ZNF521: variants seen among roughly 807,000 people sequenced by gnomAD.
ZNF521 encodes zinc finger protein 521.
In ZNF521, 14 loss-of-function variants were observed where a neutral mutation model predicts 105.5. The observed-to-expected ratio is 0.13, with a 90% CI of 0.09 to 0.21. ZNF521 has a LOEUF of 0.21. Ranked by LOEUF, ZNF521 falls within the 10% of genes least tolerant of loss-of-function variation. ZNF521 has a pLI of 1.00. For missense variants in ZNF521, 1,233 were observed against 1,629.7 expected (o/e 0.76, Z 4.19); for synonymous variants, 635 against 606.0 (o/e 1.05, Z -0.70).
At chr18:25,305,882 C>T (rs1911946231) in intron 3 of ZNF521, among the ~76,000 whole-genome samples, 1 of 152,200 alleles carries the variant, frequency 6.6e-6, no homozygotes, top group Non-Finnish European at 1.5e-5. Context: ...TTATCACATC[C>T]CTTCACTGTG....
intron 3 of ZNF521, among the ~76,000 whole-genome samples, chr18:25,286,624 T>C (rs1232906756): frequency 6.6e-6 from 1 of 152,252 alleles, no homozygotes; most frequent in Admixed American, 6.5e-5. Flanking sequence ...TCATAGACTA[T>C]ATATCTCTCA....
At chr18:25,272,547 T>A (rs925685171) in intron 3 of ZNF521, among the ~76,000 whole-genome samples, 1 of 151,908 alleles carries the variant, frequency 6.6e-6, no homozygotes, top group Admixed American at 6.6e-5. Context: ...ATGAAGAAAA[T>A]ATGGCATATA....
chr18:25,205,003 C>T (rs544353721), intron 4 of ZNF521, among the ~76,000 whole-genome samples: 2 of 151,972 alleles, frequency 1.3e-5, no homozygotes, highest in East Asian at 1.9e-4. Context: ...ATTCTAAATC[C>T]ATCACCTTCA....
intron 3 of ZNF521, among the ~76,000 whole-genome samples, chr18:25,308,424 C>T (rs1165754543): frequency 2.0e-5 from 3 of 152,120 alleles, no homozygotes; most frequent in East Asian, 3.9e-4. Context: ...CAATGAATAA[C>T]TAATACATTC....
rs147871559 is a variant in ZNF521 at position 25,119,834 on chromosome 18, G to T, written c.3659-27753C>A. 4.6e-5 allele frequency among the ~76,000 whole-genome samples: 7 copies of T among 151,962 alleles called. No homozygotes were observed. In the East Asian group the frequency reaches 1.4e-3, roughly 29 times the overall value. ...AAAAGAAACAATAAAGATAAAAATA[G>T]AAATCAATGAAATACAAAATAAACC... On this transcript the variant is annotated intron_variant, in intron 5 of 7. Coordinates refer to ENST00000361524, the MANE Select transcript of ZNF521 (RefSeq NM_015461.3).
intron 5 of ZNF521, among the ~76,000 whole-genome samples, chr18:25,150,270 G>C (rs113899888): frequency 0.25 from 38,108 of 151,878 alleles, 5,849 homozygotes; most frequent in East Asian, 0.35. Flanking sequence ...TGGACTTTGG[G>C]GACTCAGGGG....
At chr18:25,320,333 C>T (rs371001201) in intron 3 of ZNF521, among the ~76,000 whole-genome samples, 21 of 152,036 alleles carry the variant, frequency 1.4e-4, no homozygotes, top group African/African-American at 2.9e-4. Flanking sequence ...CCACCACGCA[C>T]GGCTAATTTT....
intron 5 of ZNF521, among the ~76,000 whole-genome samples, chr18:25,157,721 T>C (rs925255405): frequency 6.6e-6 from 1 of 152,158 alleles, no homozygotes; most frequent in South Asian, 2.1e-4. Context: ...CTGCCAACTA[T>C]TACCTGTGTG....
At chr18:25,148,991 G>A (rs897127276) in intron 5 of ZNF521, among the ~76,000 whole-genome samples, 5 of 152,066 alleles carry the variant, frequency 3.3e-5, no homozygotes, top group African/African-American at 1.2e-4. Flanking sequence ...CAAATGTACA[G>A]AAGAGGAACT....
intron 5 of ZNF521, among the ~76,000 whole-genome samples, chr18:25,156,916 A>G (rs2035155651): frequency 6.6e-6 from 1 of 152,196 alleles, no homozygotes; most frequent in African/African-American, 2.4e-5. Context: ...AACAACAAAT[A>G]GAAATGGCAA....
chr18:25,152,291 C>T (rs1289343287), intron 5 of ZNF521, among the ~76,000 whole-genome samples: 2 of 151,858 alleles, frequency 1.3e-5, no homozygotes, highest in South Asian at 2.1e-4. Context: ...CCAGCCTGGC[C>T]AAAATGGCAA....
At chr18:25,204,191 G>A (rs1213985128) in intron 4 of ZNF521, among the ~76,000 whole-genome samples, 10 of 152,106 alleles carry the variant, frequency 6.6e-5, no homozygotes, top group Non-Finnish European at 2.9e-5. Flanking sequence ...TTATAGCAAT[G>A]CAAGAATGAT....
chr18:25,191,860 G>C (rs1347861211), intron 5 of ZNF521, among the ~76,000 whole-genome samples: 2 of 152,054 alleles, frequency 1.3e-5, no homozygotes, highest in Admixed American at 1.3e-4. Context: ...AATAATAACA[G>C]ACAGCTCAGA....
chr18:25,303,731 T>G (rs927664652), intron 3 of ZNF521, among the ~76,000 whole-genome samples: 1 of 152,176 alleles, frequency 6.6e-6, no homozygotes, highest in Non-Finnish European at 1.5e-5. Context: ...ATCTACTTTT[T>G]GGGGCCCAAA....
chr18:25,212,147 T>C (rs550843340), intron 4 of ZNF521, among the ~76,000 whole-genome samples: 12 of 152,286 alleles, frequency 7.9e-5, no homozygotes, highest in African/African-American at 2.9e-4. Context: ...ATCTTTGTCA[T>C]GTGACTTTTC....
At chr18:25,244,285 C>T (rs1907551445) in intron 3 of ZNF521, among the ~76,000 whole-genome samples, 1 of 67,684 alleles carries the variant, frequency 1.5e-5, no homozygotes, top group Admixed American at 1.2e-4. Context: ...TGCATGTGCA[C>T]ACACACACAC....
At chr18:25,218,588 G>T (rs538116744) in intron 4 of ZNF521, among the ~76,000 whole-genome samples, 2 of 151,172 alleles carry the variant, frequency 1.3e-5, no homozygotes. Context: ...GGAGGTTGAG[G>T]CTGCAGTGAC....
chr18:25,300,043 T>A (rs558866935), intron 3 of ZNF521, among the ~76,000 whole-genome samples: 1 of 152,328 alleles, frequency 6.6e-6, no homozygotes, highest in African/African-American at 2.4e-5. Flanking sequence ...CTGTTATTTC[T>A]AAGCTTGGGC....
chr18:25,110,613 C>A (rs991626061), intron 5 of ZNF521, among the ~76,000 whole-genome samples: 2 of 151,790 alleles, frequency 1.3e-5, no homozygotes, highest in East Asian at 3.9e-4. Flanking sequence ...GAGATCTTTT[C>A]AAATTCACAC....
Sources: gnomAD v4.1 joint callset for allele counts (sites outside exome capture counted in the v4.1 genomes callset) on GRCh38, gnomAD v4.1.1 for gene constraint, MANE v1.5 for transcripts, NCBI Gene and HGNC (gene_info 2026-07-23, HGNC 2026-07-21) for gene names.